The following ASAP2 variants were observed in gnomAD, a reference collection of about 807,000 sequenced individuals.
ASAP2 encodes the protein arf-GAP with SH3 domain, ANK repeat and PH domain-containing protein 2.
ASAP2 carries 45 observed loss-of-function variants against 131.4 expected under a neutral mutation model. The observed-to-expected ratio is 0.34, with a 90% confidence interval of 0.27 to 0.44. The LOEUF is 0.44. ASAP2 is among the 20% of genes least tolerant of loss of function. The pLI, the probability that ASAP2 is intolerant of heterozygous loss-of-function variation, is 1.00. For synonymous variants in ASAP2, 510 were observed against 503.0 expected (o/e 1.01, Z -0.19); for missense variants, 1,011 against 1,297.0 (o/e 0.78, Z 3.39).
intron 1 of ASAP2, among the ~76,000 whole-genome samples, chr2:9,227,666 T>C (rs1198412778): frequency 6.6e-6 from 1 of 152,214 alleles, no homozygotes; most frequent in East Asian, 1.9e-4. Flanking sequence ...GTTCAATGAA[T>C]GATCTTTCTG....
intron 1 of ASAP2, among the ~76,000 whole-genome samples, chr2:9,259,857 C>T (rs1203111656): frequency 6.6e-6 from 1 of 152,242 alleles, no homozygotes; most frequent in Non-Finnish European, 1.5e-5. Flanking sequence ...CTCCTCAGCT[C>T]CCTTGCACCC....
chr2:9,317,259 TCA>T (rs562069789), intron 3 of ASAP2, among the ~76,000 whole-genome samples: 291 of 142,972 alleles, frequency 2.0e-3, no homozygotes, highest in African/African-American at 5.8e-3. Context: ...ACCCCGTGCA[TCA>T]CACACACTCA....
In ASAP2 at chr2:9,279,298, T is replaced by C. The variant is rs1228047699; in HGVS notation, c.127-19T>C. 6.2e-7 allele frequency: 1 copy of C among 1,612,162 alleles called. No homozygotes were observed. The highest frequency in any genetic ancestry group is 8.5e-7 in the Non-Finnish European group (1 of 1,178,322). On this transcript the variant is annotated intron_variant, in intron 1 of 27. Coordinates refer to ENST00000281419, the MANE Select transcript of ASAP2 (RefSeq NM_003887.3). ...CTCAGCACAGACACGGTTTAATGAC[T>C]GTATTCTCTACATTTTAGGCTTTGG...
At chr2:9,236,643 T>G (rs1663571493) in intron 1 of ASAP2, among the ~76,000 whole-genome samples, 1 of 152,236 alleles carries the variant, frequency 6.6e-6, no homozygotes, top group Non-Finnish European at 1.5e-5. Context: ...TTTAAAAAAT[T>G]AAAAGCAACT....
chr2:9,258,670 C>G (rs559738027), intron 1 of ASAP2, among the ~76,000 whole-genome samples: 16 of 152,230 alleles, frequency 1.1e-4, no homozygotes, highest in African/African-American at 3.9e-4. Flanking sequence ...CAGGCGAAAC[C>G]CCCGGAAGCT....
At chr2:9,348,653 T>A (rs1455980380) in intron 11 of ASAP2, among the ~76,000 whole-genome samples, 1 of 152,258 alleles carries the variant, frequency 6.6e-6, no homozygotes, top group Non-Finnish European at 1.5e-5. Flanking sequence ...TTTTAATATG[T>A]AGGCACATTT....
At chr2:9,332,108 A>G (rs1309537675) in intron 7 of ASAP2, among the ~76,000 whole-genome samples, 3 of 152,132 alleles carry the variant, frequency 2.0e-5, no homozygotes. Context: ...TAAAGGATAG[A>G]AATACACCCC....
chr2:9,265,989 GT>G (rs1665912173), intron 1 of ASAP2, among the ~76,000 whole-genome samples: 1 of 151,624 alleles, frequency 6.6e-6, no homozygotes, highest in African/African-American at 2.4e-5. Context: ...AGCCAGGCTG[GT>G]CTTGAACTCC....
At chr2:9,272,372 A>T (rs796556703) in intron 1 of ASAP2, among the ~76,000 whole-genome samples, 2 of 152,128 alleles carry the variant, frequency 1.3e-5, no homozygotes, top group Non-Finnish European at 2.9e-5. Flanking sequence ...AGATATGTCT[A>T]TTTATATCTT....
At position 9,268,371 on chromosome 2, in the gene ASAP2, TCTCATCTGTC is replaced by T. The variant is rs1448146995; in HGVS notation, c.127-10943_127-10934del. Among the ~76,000 whole-genome samples, 1 of 152,176 alleles carries T rather than the reference TCTCATCTGTC, an allele frequency of 6.6e-6. No individual in the cohort carries two copies. The highest frequency in any genetic ancestry group is 2.4e-5 in the African/African-American group (1 of 41,428). The stretch of plus-strand genomic sequence containing the variant: ...TTAAGATAATACCAAAACACGCCCT[TCTCATCTGTC>T]CTTAGGCACACACTTTCCTCAGCTG... On this transcript the variant is annotated intron_variant, in intron 1 of 27. Transcript: ENST00000281419. This position sits in a 1 kb window ranked among gnomAD's most constrained non-coding sequence, Gnocchi z 4.1.
intron 3 of ASAP2, among the ~76,000 whole-genome samples, chr2:9,315,107 C>G (rs781491646): frequency 1.3e-5 from 2 of 151,894 alleles, no homozygotes; most frequent in Non-Finnish European, 2.9e-5. Context: ...TGAGCACATG[C>G]GTAGAATCAG....
chr2:9,375,719 C>T (rs1194439144), intron 17 of ASAP2, among the ~76,000 whole-genome samples: 1 of 152,200 alleles, frequency 6.6e-6, no homozygotes, highest in Non-Finnish European at 1.5e-5. Flanking sequence ...GAAAGAAAAC[C>T]CATCTCCAGG....
intron 9 of ASAP2, among the ~76,000 whole-genome samples, chr2:9,339,422 A>G (rs536519721): frequency 6.6e-6 from 1 of 152,288 alleles, no homozygotes; most frequent in South Asian, 2.1e-4. Flanking sequence ...TAGGAATAAT[A>G]CAGCCAACCT....
At chr2:9,374,966 AC>A in intron 17 of ASAP2, 22 bp downstream of exon 17, 1 of 1,524,000 alleles carries the variant, frequency 6.6e-7, no homozygotes, top group Non-Finnish European at 8.7e-7. Flanking sequence ...GGTTGTTGCT[AC>A]TTTAAAAAAA....
intron 9 of ASAP2, among the ~76,000 whole-genome samples, chr2:9,343,179 T>G (rs1671706750): frequency 6.6e-6 from 1 of 152,204 alleles, no homozygotes; most frequent in South Asian, 2.1e-4. Flanking sequence ...CATTCCACTC[T>G]CTGCTCTTGC....
Position 9,232,837 on chromosome 2 carries a change from T to C in ASAP2, c.126+25607T>C, listed in dbSNP as rs1663265612. Among the ~76,000 whole-genome samples, 1 of 152,188 alleles carries C rather than the reference T, an allele frequency of 6.6e-6. No homozygotes were observed. The highest frequency in any genetic ancestry group is 2.4e-5 in the African/African-American group (1 of 41,440). ...TTCTTAGAGGGTAATGGTTCGAAAG[T>C]TGAATTAGTGAGTGTAAATCCTTAA... is the stretch of plus-strand genomic sequence containing the variant. On this transcript the variant is annotated intron_variant, in intron 1 of 27. Transcript: ENST00000281419. The surrounding 1 kb of genome is among the most constrained non-coding windows in gnomAD (Gnocchi z 4.1).
intron 15 of ASAP2, among the ~76,000 whole-genome samples, chr2:9,364,779 T>G (rs1393168790): frequency 6.6e-6 from 1 of 152,158 alleles, no homozygotes; most frequent in Non-Finnish European, 1.5e-5. Context: ...AGCAATTGCT[T>G]AGGGCAACAG....
intron 1 of ASAP2, among the ~76,000 whole-genome samples, chr2:9,213,376 C>T (rs1463348995): frequency 6.6e-6 from 1 of 152,124 alleles, no homozygotes; most frequent in Non-Finnish European, 1.5e-5. Context: ...GTGGGCAGTG[C>T]CAGGTCACAG....
chr2:9,302,158 G>A (rs58866959), intron 3 of ASAP2, among the ~76,000 whole-genome samples: 30,595 of 114,760 alleles, frequency 0.27, 4,814 homozygotes, highest in Non-Finnish European at 0.34. Context: ...CAGATGATGT[G>A]AGTTAGAAGC....
Sources: gnomAD v4.1 joint callset for allele counts (sites outside exome capture counted in the v4.1 genomes callset) on GRCh38, gnomAD v4.1.1 for gene constraint, Gnocchi (gnomAD v3.1) non-coding constraint, MANE v1.5 for transcripts, NCBI Gene and HGNC (gene_info 2026-07-23, HGNC 2026-07-21) for gene names.